GNG7: variants seen among roughly 807,000 people sequenced by gnomAD.
GNG7 encodes the protein guanine nucleotide-binding protein G(I)/G(S)/G(O) subunit gamma-7.
A neutral mutation model predicts 4.0 loss-of-function variants in GNG7; 1 was observed. The observed-to-expected ratio is 0.25, with a 90% confidence interval of 0.09 to 1.18. GNG7 has a LOEUF of 1.18. Ranked by LOEUF, GNG7 falls within the 50% of genes most tolerant of loss-of-function variation. GNG7 has a pLI of 0.50. For missense variants in GNG7, 86 were observed against 91.9 expected (o/e 0.94, Z 0.26); for synonymous variants, 34 against 36.9 (o/e 0.92, Z 0.29).
chr19:2,524,665 CAT>C (rs760266490), intron 3 of GNG7, among the ~76,000 whole-genome samples: 35 of 152,354 alleles, frequency 2.3e-4, no homozygotes, highest in Non-Finnish European at 3.5e-4. Flanking sequence ...TGTGCGTCTG[CAT>C]ATGAGTGTGT....
rs569453724 is a variant in GNG7 at position 2,686,182 on chromosome 19, G to C, written c.-135+16464C>G. 2.1e-4 allele frequency among the ~76,000 whole-genome samples: 31 copies of C among 149,742 alleles called. No individual in the cohort carries two copies. The East Asian group carries it at 5.3e-3, about 26-fold the overall frequency. On this transcript the variant is annotated intron_variant, in intron 1 of 4. Coordinates refer to ENST00000382159, the MANE Select transcript of GNG7 (RefSeq NM_052847.3). ...AGCATTTTTTTTTTTTTTTGAGACA[G>C]AGTCTCACGCTGTCGCCCAGGCTGG...
At chr19:2,697,789 C>A (rs1432265644) in intron 1 of GNG7, among the ~76,000 whole-genome samples, 2 of 137,502 alleles carry the variant, frequency 1.5e-5, no homozygotes, top group South Asian at 2.1e-4. Flanking sequence ...GGCCCCGTCC[C>A]CCCCCCCGCC....
chr19:2,595,657 C>A (rs1190662655), intron 2 of GNG7, among the ~76,000 whole-genome samples: 4 of 151,078 alleles, frequency 2.6e-5, no homozygotes, highest in Admixed American at 1.3e-4. Flanking sequence ...ATGGCGTGAA[C>A]CCGGGAGGCG....
chr19:2,679,135 C>G (rs957044200), intron 1 of GNG7, among the ~76,000 whole-genome samples: 1 of 152,124 alleles, frequency 6.6e-6, no homozygotes, highest in Non-Finnish European at 1.5e-5. Context: ...GCAGCCTCAA[C>G]TTCCTAGGCT....
At position 2,681,044 on chromosome 19, in the gene GNG7, G is replaced by A. The variant is rs866002877; in HGVS notation, c.-135+21602C>T. On this transcript the variant is annotated intron_variant, in intron 1 of 4. Coordinates refer to ENST00000382159, the MANE Select transcript of GNG7 (RefSeq NM_052847.3). ...TTTGCATTTCCCTGAGGACTGACGCGGAGCATGTTTTGAAGTGAAACCGAC... is the reference window on the plus strand; with the variant it reads ...TTTGCATTTCCCTGAGGACTGACGCAGAGCATGTTTTGAAGTGAAACCGAC... Among the ~76,000 whole-genome samples the A allele has an allele frequency of 3.9e-5, 6 of 152,152 alleles. No individual in the cohort carries two copies. In the Middle Eastern group the frequency reaches 0.01, roughly 259 times the overall value.
chr19:2,696,347 A>AAAGAAAAG (rs758616376), intron 1 of GNG7, among the ~76,000 whole-genome samples: 1 of 119,222 alleles, frequency 8.4e-6, no homozygotes, highest in African/African-American at 3.2e-5. Flanking sequence ...AGAAAGAAAG[A>AAAGAAAAG]AAAGAAAGAA....
At position 2,521,612 on chromosome 19, in the gene GNG7, G is replaced by GTTTTTTTTT. The variant is rs71178284; in HGVS notation, c.-37-896_-37-888dup. ...ACCCCTGGTGACTGTCCCCCTCCGT[G>GTTTTTTTTT]TTTTTTTTTTTTTTTTTTTGAGACA... On this transcript the variant is annotated intron_variant, in intron 3 of 4. Coordinates refer to ENST00000382159, the MANE Select transcript of GNG7 (RefSeq NM_052847.3). Among the ~76,000 whole-genome samples the GTTTTTTTTT allele has an allele frequency of 1.7e-4, 18 of 104,684 alleles. 1 individual carries two copies. Among genetic ancestry groups the GTTTTTTTTT allele is most frequent in the African/African-American group, 4.3e-4 (11 of 25,492 alleles). The allele number at this position is 104,684 out of a possible 152,430, so 68.7% of individuals were successfully genotyped here.
At chr19:2,674,586 C>T (rs964266713) in intron 1 of GNG7, among the ~76,000 whole-genome samples, 21 of 152,188 alleles carry the variant, frequency 1.4e-4, no homozygotes, top group Non-Finnish European at 2.1e-4. Context: ...CAGGCGCCCA[C>T]AACCATGCCC....
intron 1 of GNG7, among the ~76,000 whole-genome samples, chr19:2,700,290 C>T (rs1222041886): frequency 1.3e-5 from 2 of 152,012 alleles, no homozygotes; most frequent in African/African-American, 2.4e-5. Flanking sequence ...TACAGGCAAA[C>T]GCCACTATGC....
intron 3 of GNG7, among the ~76,000 whole-genome samples, chr19:2,552,768 T>C (rs1202340519): frequency 6.6e-6 from 1 of 151,430 alleles, no homozygotes; most frequent in Admixed American, 6.6e-5. Flanking sequence ...TTTTATTATA[T>C]ATTACAATGT....
chr19:2,602,562 C>T (rs538170987), intron 2 of GNG7, among the ~76,000 whole-genome samples: 2 of 152,378 alleles, frequency 1.3e-5, no homozygotes, highest in South Asian at 4.1e-4. Flanking sequence ...AGATCTGTGG[C>T]CTCGCACAGG....
chr19:2,696,867 T>C (rs1423491615), intron 1 of GNG7, among the ~76,000 whole-genome samples: 1 of 152,150 alleles, frequency 6.6e-6, no homozygotes, highest in East Asian at 1.9e-4. Flanking sequence ...AATGTTTTTT[T>C]GTTTGTTTGT....
chr19:2,614,255 C>T lies in GNG7; in HGVS notation c.-78+31969G>A, dbSNP rs1267295886. On this transcript the variant is annotated intron_variant, in intron 2 of 4. Coordinates refer to ENST00000382159, the MANE Select transcript of GNG7 (RefSeq NM_052847.3). This position sits in a 1 kb window ranked among gnomAD's most constrained non-coding sequence, Gnocchi z 6.0. ...GTGCGGCGACTTTCCCTAGCACCCT[C>T]TCCCTGCCCTCTGTGTACCCGCAGG... Among the ~76,000 whole-genome samples the T allele has an allele frequency of 2.0e-5, 3 of 152,228 alleles. No homozygotes were observed. The highest frequency in any genetic ancestry group is 4.4e-5 in the Non-Finnish European group (3 of 68,022).
At chr19:2,523,030 C>G (rs1978318374) in intron 3 of GNG7, among the ~76,000 whole-genome samples, 1 of 151,496 alleles carries the variant, frequency 6.6e-6, no homozygotes, top group Non-Finnish European at 1.5e-5. Context: ...CCATGCCTGG[C>G]TAATCTTTGT....
At chr19:2,610,400 T>C (rs951251730) in intron 2 of GNG7, 1 of 151,028 alleles carries the variant, frequency 6.6e-6, no homozygotes, top group Non-Finnish European at 1.5e-5. Context: ...CAGGCTGGAG[T>C]GTAGTGGTGT....
chr19:2,573,211 C>CG (rs568793330), intron 2 of GNG7, among the ~76,000 whole-genome samples: 72 of 149,288 alleles, frequency 4.8e-4, no homozygotes, highest in African/African-American at 1.7e-3. Context: ...TTAGTAGCGA[C>CG]GGGGTTTCAC....
In GNG7 at chr19:2,518,003, C is replaced by A. The variant is rs1481956489; in HGVS notation, c.81+2605G>T. Among the ~76,000 whole-genome samples the A allele has an allele frequency of 5.3e-5, 8 of 152,342 alleles. No individual in the cohort carries two copies. In the East Asian group the frequency reaches 1.4e-3, roughly 26 times the overall value. On this transcript the variant is annotated intron_variant, in intron 4 of 4. Coordinates refer to ENST00000382159, the MANE Select transcript of GNG7 (RefSeq NM_052847.3). ...TGATGACTCGGACCTGGCCTGCTTT[C>A]TAGACTTCTATTTGGGAAGCGGCCC...
At chr19:2,531,775 A>ACCC (rs1356446578) in intron 3 of GNG7, among the ~76,000 whole-genome samples, 9 of 146,686 alleles carry the variant, frequency 6.1e-5, no homozygotes, top group African/African-American at 8.2e-5. Context: ...CGTCCCAAAA[A>ACCC]AAAAAAAAAA....
chr19:2,513,109 G>A lies in GNG7; in HGVS notation c.*1913C>T. 1 of 985,600 alleles carries A rather than the reference G, an allele frequency of 1.0e-6. No individual in the cohort carries two copies. Among genetic ancestry groups the A allele is most frequent in the East Asian group, 1.1e-4 (1 of 8,790 alleles). The allele number at this position is 985,600 out of a possible 1,614,324, so 61.1% of individuals were successfully genotyped here. A position where few individuals can be genotyped will look rare whatever the true frequency, so the allele number is the denominator to read the frequency against. On this transcript the variant is annotated 3_prime_UTR_variant, in exon 5 of 5. Coordinates refer to ENST00000382159, the MANE Select transcript of GNG7 (RefSeq NM_052847.3). ...TGTGGGAGCTGCCCGAGGTTGAGGA[G>A]TGGAGGTCACTCCCCCGACACCTGC...
Sources: gnomAD v4.1 joint callset for allele counts (sites outside exome capture counted in the v4.1 genomes callset) on GRCh38, gnomAD v4.1.1 for gene constraint, Gnocchi (gnomAD v3.1) non-coding constraint, MANE v1.5 for transcripts, NCBI Gene and HGNC (gene_info 2026-07-23, HGNC 2026-07-21) for gene names.